The following FHAD1 variants were observed in gnomAD, a reference collection of about 807,000 sequenced individuals.
FHAD1 encodes forkhead-associated domain-containing protein 1.
A neutral mutation model predicts 191.3 loss-of-function variants in FHAD1; 146 were observed. That is an observed-to-expected ratio of 0.76 (90% CI 0.67 to 0.88). The LOEUF (loss-of-function observed/expected upper bound fraction) is 0.88. Ranked by LOEUF, FHAD1 falls within the 40% of genes least tolerant of loss-of-function variation. The probability of loss-of-function intolerance (pLI) is 0.00; values close to 1 mark genes in which losing one functional copy is unlikely to be tolerated. For missense variants in FHAD1, 1,635 were observed against 1,785.8 expected (o/e 0.92, Z 1.52); for synonymous variants, 616 against 672.3 (o/e 0.92, Z 1.29).
At chr1:15,246,478 G>T (rs80175433), upstream of FHAD1, among the ~76,000 whole-genome samples, 3 of 82,844 alleles carry the variant, frequency 3.6e-5, no homozygotes, top group Non-Finnish European at 7.1e-5. Context: ...TTTCCTGCTG[G>T]AGATAGTGGC....
At chr1:15,277,673 G>A (rs945848267) in intron 3 of FHAD1, among the ~76,000 whole-genome samples, 6 of 152,120 alleles carry the variant, frequency 3.9e-5, no homozygotes, top group African/African-American at 1.4e-4. Flanking sequence ...CATGCTCATG[G>A]GGGATGATAT....
At chr1:15,330,257 T>C (rs1680664703) in intron 14 of FHAD1, among the ~76,000 whole-genome samples, 2 of 152,238 alleles carry the variant, frequency 1.3e-5, no homozygotes, top group African/African-American at 4.8e-5. Context: ...ATGAACATTG[T>C]TGCACACATA....
In FHAD1 at chr1:15,380,723, C is replaced by G. The variant is rs1272594090; in HGVS notation, c.3728C>G (p.Ala1243Gly). 6.4e-7 allele frequency: 1 copy of G among 1,551,592 alleles called. No individual in the cohort carries two copies. Among genetic ancestry groups the G allele is most frequent in the Non-Finnish European group, 8.7e-7 (1 of 1,146,994 alleles). ...CAGCCTCAGAATGGCCTTTGCAACG[C>G]AAGGTTCGGCTCAGCCATGGAGAAG... Reference protein sequence around the residue: ...ILAPQNGLCNARFGSAMEKSG... With the variant: ...ILAPQNGLCNGRFGSAMEKSG... Residue 1243 changes from alanine to glycine, a missense_variant, in exon 29 of 34, where the codon GCA becomes GGA. Physicochemically the swap from Ala to Gly is moderately conservative, Grantham distance 60. Coordinates refer to ENST00000688493, the MANE Select transcript of FHAD1 (RefSeq NM_001391957.1).
chr1:15,392,596 T>C (rs1484559181), intron 33 of FHAD1, among the ~76,000 whole-genome samples: 1 of 152,040 alleles, frequency 6.6e-6, no homozygotes, highest in Non-Finnish European at 1.5e-5. Context: ...TCCTCTATAG[T>C]GTGCTTCGAG....
chr1:15,384,724 C>G (rs1030061437), intron 31 of FHAD1, among the ~76,000 whole-genome samples: 3 of 152,134 alleles, frequency 2.0e-5, no homozygotes, highest in African/African-American at 7.2e-5. Flanking sequence ...GAATTCACAA[C>G]GTAGGGAAAG....
chr1:15,352,848 G>C, intron 19 of FHAD1, 29 bp from the exon 20 acceptor site: 1 of 1,499,800 alleles, frequency 6.7e-7, no homozygotes, highest in Non-Finnish European at 9.1e-7. Flanking sequence ...GAGGGCACAG[G>C]CCCTCAAACC....
intron 10 of FHAD1, among the ~76,000 whole-genome samples, chr1:15,323,521 C>G (rs1314275146): frequency 6.6e-6 from 1 of 152,198 alleles, no homozygotes; most frequent in African/African-American, 2.4e-5. Context: ...ACAGGTTGCT[C>G]TGGGTGTTTT....
At chr1:15,401,301 T>A (rs1707119275), downstream of FHAD1, among the ~76,000 whole-genome samples, 2 of 152,182 alleles carry the variant, frequency 1.3e-5, no homozygotes. Context: ...TTTGAGTTTC[T>A]GTTCATTGCA....
At chr1:15,362,118 C>A (rs902858044) in intron 22 of FHAD1, among the ~76,000 whole-genome samples, 2 of 152,146 alleles carry the variant, frequency 1.3e-5, no homozygotes, top group Non-Finnish European at 2.9e-5. Flanking sequence ...ATCTTTGTCA[C>A]CCCCGTACTT....
At chr1:15,244,272 A>G (rs1645734579), upstream of FHAD1, among the ~76,000 whole-genome samples, 1 of 152,192 alleles carries the variant, frequency 6.6e-6, no homozygotes, top group Non-Finnish European at 1.5e-5. The surrounding 1 kb of genome is among the most constrained non-coding windows in gnomAD (Gnocchi z 5.1). Flanking sequence ...GGATCCAATT[A>G]AGATTTGGCA....
rs376482198 is a variant in FHAD1, at chr1:15,358,164, G to T, written c.2617G>T (p.Ala873Ser). The T allele has an allele frequency of 1.3e-6, 2 of 1,529,898 alleles. No individual in the cohort carries two copies. Among genetic ancestry groups the T allele is most frequent in the Non-Finnish European group, 1.8e-6 (2 of 1,142,152 alleles). 94.8% of individuals were successfully genotyped at this position (1,529,898 alleles called of 1,614,324 possible). A position where few individuals can be genotyped will look rare whatever the true frequency, so the allele number is the denominator to read the frequency against. The change falls in exon 21 of 34, where the codon GCA becomes TCA. Residue 873 changes from alanine to serine, a missense_variant. Physicochemically the swap from Ala to Ser is moderately conservative, Grantham distance 99. Transcript: ENST00000688493. ...CGTTTTAAATAATAAATTAAGTGAC[G>T]CACTGGCCATGGTTGAAGAGACTCA... is the stretch of plus-strand genomic sequence containing the variant. ...EDVLNNKLSDALAMVEETQKT... is the reference protein window; with the variant it reads ...EDVLNNKLSDSLAMVEETQKT...
In FHAD1 at chr1:15,327,849, C is replaced by T. The variant is rs1679391645; in HGVS notation, c.1558-428C>T. ...GGGAGTTCGAAACCAGCCTGACCAA[C>T]ATGGTAAAACCCCATCTCTATTAAA... On this transcript the variant is annotated intron_variant, in intron 12 of 33. Transcript: ENST00000688493. This position sits in a 1 kb window ranked among gnomAD's most constrained non-coding sequence, Gnocchi z 5.1. 6.6e-6 allele frequency: 1 copy of T among 152,402 alleles called. No homozygotes were observed. Among genetic ancestry groups the T allele is most frequent in the Non-Finnish European group, 1.5e-5 (1 of 68,300 alleles). 9.4% of individuals were successfully genotyped at this position (152,402 alleles called of 1,614,324 possible). A position where few individuals can be genotyped will look rare whatever the true frequency, so the allele number is the denominator to read the frequency against.
chr1:15,316,332 A>T lies in FHAD1; in HGVS notation c.1171-46A>T. The T allele has an allele frequency of 6.7e-7, 1 of 1,494,320 alleles. No individual in the cohort carries two copies. The highest frequency in any genetic ancestry group is 9.1e-7 in the Non-Finnish European group (1 of 1,096,802). The allele number at this position is 1,494,320 out of a possible 1,614,324, so 92.6% of individuals were successfully genotyped here. A position where few individuals can be genotyped will look rare whatever the true frequency, so the allele number is the denominator to read the frequency against. ...AGCCCCTCCTTCCCCCGACAACCCT[A>T]CCTGGCCAACGTTGGCCTCTTTCTG... On this transcript the variant is annotated intron_variant, in intron 8 of 33. Transcript: ENST00000688493. This position sits in a 1 kb window ranked among gnomAD's most constrained non-coding sequence, Gnocchi z 4.3.
intron 33 of FHAD1, chr1:15,393,050 C>T (rs1704627394): frequency 6.6e-6 from 1 of 151,526 alleles, no homozygotes; most frequent in African/African-American, 2.4e-5. Context: ...AGCATCACCC[C>T]CGAGGGGGCA....
chr1:15,352,417 G>C (rs1450504947), intron 19 of FHAD1, among the ~76,000 whole-genome samples: 1 of 152,186 alleles, frequency 6.6e-6, no homozygotes, highest in Non-Finnish European at 1.5e-5. Flanking sequence ...TAGACTGGAA[G>C]TGGCTGCCTG....
At position 15,341,870 on chromosome 1, in the gene FHAD1, A is replaced by G. The variant is rs1301859061; in HGVS notation, c.2112A>G (p.Gln704=). 6.4e-7 allele frequency: 1 copy of G among 1,551,518 alleles called. No individual in the cohort carries two copies. Among genetic ancestry groups the G allele is most frequent in the African/African-American group, 1.4e-5 (1 of 73,056 alleles). The change falls in exon 16 of 34, where the codon CAA becomes CAG. Residue 704 remains glutamine (Q), a synonymous_variant. Coordinates refer to ENST00000688493, the MANE Select transcript of FHAD1 (RefSeq NM_001391957.1). ...AGAAGCTCAAAGCCAAAATCAGGCA[A>G]CTGACGGAAGAGAAGGCGGTAAGGT... ...QEEKLKAKIR[Q]LTEEKAALEE...
intron 23 of FHAD1, among the ~76,000 whole-genome samples, chr1:15,365,345 T>C (rs34120814): frequency 0.053 from 7,987 of 152,094 alleles, 265 homozygotes; most frequent in Middle Eastern, 0.11. Context: ...TTCTTTCTTT[T>C]TTTTTTTCTT....
chr1:15,299,264 AT>A (rs2100844988), intron 5 of FHAD1, among the ~76,000 whole-genome samples: 1 of 150,970 alleles, frequency 6.6e-6, no homozygotes, highest in East Asian at 1.9e-4. Context: ...GTCTTATCTT[AT>A]TGGAAAATGT....
rs1419883151 is a variant in FHAD1, at chr1:15,388,091, C to G, written c.4229C>G (p.Ser1410Trp). Residue 1410 changes from serine to tryptophan, a missense_variant, in exon 32 of 34, where the codon TCG becomes TGG. Physicochemically the swap from Ser to Trp is radical, Grantham distance 177 (BLOSUM62 -3). Coordinates refer to ENST00000688493, the MANE Select transcript of FHAD1 (RefSeq NM_001391957.1). ...CACGAACTGAGAAACGCAAAAGAAT[C>G]GACACCTTGCAACTGTGCCTTCAAA... is the stretch of plus-strand genomic sequence containing the variant. ...EEHELRNAKE[S>W]TPCNCAFKEK... is the part of the protein sequence containing the mutation. The G allele has an allele frequency of 7.8e-7, 1 of 1,289,750 alleles. No individual in the cohort carries two copies. Among genetic ancestry groups the G allele is most frequent in the African/African-American group, 1.5e-5 (1 of 65,820 alleles). The allele number at this position is 1,289,750 out of a possible 1,614,324, so 79.9% of individuals were successfully genotyped here.
Sources: gnomAD v4.1 joint callset for allele counts (sites outside exome capture counted in the v4.1 genomes callset) on GRCh38, gnomAD v4.1.1 for gene constraint, Gnocchi (gnomAD v3.1) non-coding constraint, MANE v1.5 for transcripts, NCBI Gene and HGNC (gene_info 2026-07-23, HGNC 2026-07-21) for gene names.